TNKS: variants seen among roughly 807,000 people sequenced by gnomAD.
TNKS encodes the protein tankyrase.
A neutral mutation model predicts 135.8 loss-of-function variants in TNKS; 72 were observed. The ratio of observed to expected loss-of-function variants is 0.53; its 90% CI spans 0.44 to 0.64. The LOEUF (loss-of-function observed/expected upper bound fraction) is 0.64. Ranked by LOEUF, TNKS falls within the 30% of genes least tolerant of loss-of-function variation. The probability of loss-of-function intolerance (pLI) is 0.00; values close to 1 mark genes in which losing one functional copy is unlikely to be tolerated. For synonymous variants in TNKS, 849 were observed against 649.3 expected (o/e 1.31, Z -4.68); for missense variants, 1,769 against 1,674.0 (o/e 1.06, Z -0.99).
In TNKS at chr8:9,579,989, C is replaced by T. The variant is rs373534964; in HGVS notation, c.674-170C>T. Among the ~76,000 whole-genome samples the T allele has an allele frequency of 9.9e-5, 15 of 152,152 alleles. No homozygotes were observed. In the East Asian group the frequency reaches 1.5e-3, roughly 16 times the overall value. On this transcript the variant is annotated intron_variant, in intron 1 of 26. Transcript: ENST00000310430. ...GGAAGAGCTTCCTTAGTTCTAAATT[C>T]TGTGAAATGAGTCAGTTTGAATGAA...
chr8:9,761,838 C>G (rs4383974), intron 21 of TNKS, among the ~76,000 whole-genome samples: 44,957 of 151,982 alleles, frequency 0.3, 6,940 homozygotes, highest in East Asian at 0.42. Context: ...TCTCCCAACA[C>G]TTTGTATCCT....
At chr8:9,572,590 A>T (rs868786607) in intron 1 of TNKS, among the ~76,000 whole-genome samples, 1 of 152,160 alleles carries the variant, frequency 6.6e-6, no homozygotes, top group Non-Finnish European at 1.5e-5. Flanking sequence ...TTTCTCCATG[A>T]AATATAGTAA....
intron 1 of TNKS, among the ~76,000 whole-genome samples, chr8:9,573,889 G>A (rs746551819): frequency 3.9e-5 from 6 of 152,092 alleles, no homozygotes; most frequent in Non-Finnish European, 8.8e-5. Flanking sequence ...AATTTCAGAA[G>A]TCATAGTTGT....
intron 3 of TNKS, among the ~76,000 whole-genome samples, chr8:9,632,033 T>G (rs1800312159): frequency 6.6e-6 from 1 of 152,182 alleles, no homozygotes; most frequent in African/African-American, 2.4e-5. Flanking sequence ...TTATTTGTTA[T>G]TGTTGTTTGT....
At chr8:9,645,420 C>G (rs900706842) in intron 3 of TNKS, among the ~76,000 whole-genome samples, 2 of 152,152 alleles carry the variant, frequency 1.3e-5, no homozygotes, top group African/African-American at 4.8e-5. Context: ...AAGGAGTTGT[C>G]TGCATAGTCT....
intron 2 of TNKS, among the ~76,000 whole-genome samples, chr8:9,595,240 C>T (rs1384331401): frequency 6.6e-6 from 1 of 151,972 alleles, no homozygotes; most frequent in Non-Finnish European, 1.5e-5. Context: ...CCTGGCTCAG[C>T]CTCCTGAGTA....
At chr8:9,598,767 A>G (rs13257176) in intron 2 of TNKS, among the ~76,000 whole-genome samples, 1,011 of 3,036 alleles carry the variant, frequency 0.33, 21 homozygotes, top group Non-Finnish European at 0.37. Context: ...GTGTGTGTGT[A>G]TATATATATA....
In TNKS at chr8:9,731,901, C is replaced by G. The variant is rs187912248; in HGVS notation, c.2147+866C>G. On this transcript the variant is annotated intron_variant, in intron 14 of 26. Coordinates refer to ENST00000310430, the MANE Select transcript of TNKS (RefSeq NM_003747.3). ...CTCCCAGGTTCACGCCATTCTCCTG[C>G]CTCAGCCTCCCGAATAGCTGGGACT... is the stretch of plus-strand genomic sequence containing the variant. Among the ~76,000 whole-genome samples the G allele has an allele frequency of 1.2e-3, 178 of 148,772 alleles. 2 individuals are homozygous for G. The Middle Eastern group carries it at 0.021, about 17-fold the overall frequency.
At chr8:9,619,742 C>G (rs1799792762) in intron 3 of TNKS, among the ~76,000 whole-genome samples, 1 of 151,178 alleles carries the variant, frequency 6.6e-6, no homozygotes, top group Non-Finnish European at 1.5e-5. Flanking sequence ...TGTGTTCTTG[C>G]TGAGACTGGC....
chr8:9,575,294 C>G (rs1797905444), intron 1 of TNKS: 8 of 679,054 alleles, frequency 1.2e-5, no homozygotes, highest in Non-Finnish European at 1.3e-5. Flanking sequence ...ACCATGTTAG[C>G]TAGGATGGTC....
chr8:9,694,998 A>G (rs536857266), intron 5 of TNKS, among the ~76,000 whole-genome samples: 138 of 152,318 alleles, frequency 9.1e-4, no homozygotes, highest in South Asian at 5.2e-3. Flanking sequence ...TATCAGAGCA[A>G]GGAAACCTTT....
chr8:9,667,830 C>T (rs1802069926), intron 3 of TNKS, among the ~76,000 whole-genome samples: 1 of 130,034 alleles, frequency 7.7e-6, no homozygotes, highest in Non-Finnish European at 1.6e-5. Context: ...CTCATTTAAG[C>T]CCTTCTGGGT....
At chr8:9,659,856 G>C (rs141796352) in intron 3 of TNKS, among the ~76,000 whole-genome samples, 1 of 152,048 alleles carries the variant, frequency 6.6e-6, no homozygotes, top group Admixed American at 6.5e-5. Flanking sequence ...TAATAAAGAA[G>C]AAAAGAGAGA....
chr8:9,775,808 A>G (rs1808199263), intron 26 of TNKS, among the ~76,000 whole-genome samples: 1 of 152,054 alleles, frequency 6.6e-6, no homozygotes. Context: ...CTCACCCAAG[A>G]GTCTTCTTTT....
At chr8:9,651,845 T>C (rs903310077) in intron 3 of TNKS, among the ~76,000 whole-genome samples, 2 of 152,198 alleles carry the variant, frequency 1.3e-5, no homozygotes, top group African/African-American at 4.8e-5. Context: ...CTGCTGATCC[T>C]AGGTTAATTT....
intron 11 of TNKS, among the ~76,000 whole-genome samples, chr8:9,717,495 G>A (rs1563188004): frequency 2.0e-5 from 3 of 152,100 alleles, no homozygotes; most frequent in African/African-American, 4.8e-5. Flanking sequence ...CAGGGAAAGA[G>A]GAATGCATTT....
chr8:9,610,716 A>C (rs528894695), intron 2 of TNKS, among the ~76,000 whole-genome samples: 1 of 152,288 alleles, frequency 6.6e-6, no homozygotes. Flanking sequence ...TTAAAGTAAA[A>C]ACTTCCTAAA....
At chr8:9,607,082 C>T (rs1032546847) in intron 2 of TNKS, among the ~76,000 whole-genome samples, 1 of 152,008 alleles carries the variant, frequency 6.6e-6, no homozygotes, top group Admixed American at 6.6e-5. Flanking sequence ...GAGCGTTCCA[C>T]AGAGCTTTTA....
chr8:9,572,480 A>T (rs1020050755), intron 1 of TNKS, among the ~76,000 whole-genome samples: 2 of 152,060 alleles, frequency 1.3e-5, no homozygotes, highest in African/African-American at 4.8e-5. Flanking sequence ...CTCTCTTCCC[A>T]TCCTCTATCT....
Sources: gnomAD v4.1 joint callset for allele counts (sites outside exome capture counted in the v4.1 genomes callset) on GRCh38, gnomAD v4.1.1 for gene constraint, MANE v1.5 for transcripts, NCBI Gene and HGNC (gene_info 2026-07-23, HGNC 2026-07-21) for gene names.